Variants in WDFY4 observed in about 807,000 individuals in gnomAD.
WDFY4 encodes WD repeat- and FYVE domain-containing protein 4.
In WDFY4, 169 loss-of-function variants were observed where a neutral mutation model predicts 351.9. The ratio of observed to expected loss-of-function variants is 0.48; its 90% CI spans 0.42 to 0.55. The LOEUF (loss-of-function observed/expected upper bound fraction) is 0.55. Ranked by LOEUF, WDFY4 falls within the 20% of genes least tolerant of loss-of-function variation. The probability of loss-of-function intolerance (pLI) is 0.00; values close to 1 mark genes in which losing one functional copy is unlikely to be tolerated. For missense variants in WDFY4, 3,803 were observed against 3,935.6 expected (o/e 0.97, Z 0.90); for synonymous variants, 1,622 against 1,574.6 (o/e 1.03, Z -0.71).
chr10:48,735,282 C>T (rs1019627561), intron 10 of WDFY4, among the ~76,000 whole-genome samples: 4 of 152,240 alleles, frequency 2.6e-5, no homozygotes, highest in African/African-American at 9.6e-5. Flanking sequence ...TACTTTTAAA[C>T]AAAAATATAT....
intron 47 of WDFY4, chr10:48,913,798 G>A (rs1182410774): frequency 1.2e-6 from 2 of 1,614,092 alleles, no homozygotes; most frequent in Non-Finnish European, 1.7e-6. Flanking sequence ...ATGTTCTTGA[G>A]TTGCTTCAGC....
intron 44 of WDFY4, among the ~76,000 whole-genome samples, chr10:48,896,124 G>A (rs1156728033): frequency 6.6e-6 from 1 of 152,214 alleles, no homozygotes; most frequent in Non-Finnish European, 1.5e-5. Flanking sequence ...TCAGAATTCA[G>A]TACACCTCTT....
chr10:48,914,807 G>T (rs988918379), intron 47 of WDFY4, among the ~76,000 whole-genome samples: 3 of 152,172 alleles, frequency 2.0e-5, no homozygotes, highest in Admixed American at 6.5e-5. Context: ...TCAGCCCAGG[G>T]ATATCAGGGT....
At chr10:48,898,847 T>G (rs2663040) in intron 45 of WDFY4, among the ~76,000 whole-genome samples, 137,674 of 152,048 alleles carry the variant, frequency 0.91, 62,606 homozygotes, top group East Asian at 1. Context: ...GTGCTGCTGG[T>G]TCTGGGCCAA....
intron 13 of WDFY4, among the ~76,000 whole-genome samples, chr10:48,762,234 G>A (rs1241645771): frequency 5.9e-5 from 9 of 152,310 alleles, no homozygotes; most frequent in Middle Eastern, 3.4e-3. Flanking sequence ...GTGGAGTGGC[G>A]GAGCAGAAGC....
intron 13 of WDFY4, among the ~76,000 whole-genome samples, chr10:48,768,843 A>T (rs371260251): frequency 6.6e-6 from 1 of 152,252 alleles, no homozygotes; most frequent in Middle Eastern, 3.4e-3. Context: ...ATGAAGGGAC[A>T]CGTGACTTGC....
intron 1 of WDFY4, among the ~76,000 whole-genome samples, chr10:48,707,021 T>C (rs1267247022): frequency 1.3e-5 from 2 of 152,162 alleles, no homozygotes; most frequent in African/African-American, 4.8e-5. Flanking sequence ...AAGATATCTG[T>C]AATTTTCAAA....
intron 13 of WDFY4, among the ~76,000 whole-genome samples, chr10:48,761,783 C>A: frequency 6.6e-6 from 1 of 152,232 alleles, no homozygotes; most frequent in East Asian, 1.9e-4. Context: ...GGTTTATCAG[C>A]AGCCAAGGAA....
chr10:48,843,976 C>A (rs1200894178), intron 39 of WDFY4, among the ~76,000 whole-genome samples: 1 of 152,176 alleles, frequency 6.6e-6, no homozygotes, highest in African/African-American at 2.4e-5. Flanking sequence ...GGCAGATGGC[C>A]GTGGAGGGGA....
Position 48,896,599 on chromosome 10 carries a change from A to G in WDFY4, c.7317-855A>G, listed in dbSNP as rs570231262. ...CTCTCAGGATGCAGGCGCTGTGCAG[A>G]TGAGCTCTAGGTGCTGTCCTCATGC... On this transcript the variant is annotated intron_variant, in intron 44 of 61. Coordinates refer to ENST00000325239, the MANE Select transcript of WDFY4 (RefSeq NM_001394531.1). Among the ~76,000 whole-genome samples the G allele has an allele frequency of 9.9e-5, 15 of 151,980 alleles. No homozygotes were observed. The South Asian group carries it at 1.7e-3, about 17-fold the overall frequency.
chr10:48,734,180 T>C (rs772288054), intron 10 of WDFY4, 145 bp downstream of exon 10: 2 of 682,666 alleles, frequency 2.9e-6, no homozygotes, highest in Non-Finnish European at 5.0e-6. Flanking sequence ...TCTTGGCCGA[T>C]GTTCAGTGAT....
chr10:48,783,892 T>C (rs1320784898), intron 19 of WDFY4, among the ~76,000 whole-genome samples: 2 of 152,216 alleles, frequency 1.3e-5, no homozygotes, highest in Non-Finnish European at 2.9e-5. Context: ...AGTAAAAATA[T>C]GATATTATTA....
intron 47 of WDFY4, among the ~76,000 whole-genome samples, chr10:48,937,404 G>T (rs1175920738): frequency 6.6e-6 from 1 of 152,214 alleles, no homozygotes; most frequent in Non-Finnish European, 1.5e-5. Flanking sequence ...CCTGGAGCAA[G>T]ATCTGGTCCT....
intron 39 of WDFY4, among the ~76,000 whole-genome samples, chr10:48,861,548 G>GA (rs151129065): frequency 3.4e-4 from 52 of 152,178 alleles, no homozygotes; most frequent in Admixed American, 1.1e-3. Flanking sequence ...GGCTTCTGAT[G>GA]AAAAAAATCA....
At chr10:48,968,123 G>A (rs900151946) in intron 55 of WDFY4, 1 of 152,284 alleles carries the variant, frequency 6.6e-6, no homozygotes, top group South Asian at 2.1e-4. Flanking sequence ...GGGTCCTGGG[G>A]ATCCTTCCTG....
intron 30 of WDFY4, among the ~76,000 whole-genome samples, chr10:48,812,594 C>T (rs1252006574): frequency 1.3e-5 from 2 of 152,182 alleles, no homozygotes; most frequent in African/African-American, 4.8e-5. Context: ...GAGGCTGCCC[C>T]TTGATAACAC....
At chr10:48,783,478 A>G (rs1019401063) in intron 19 of WDFY4, among the ~76,000 whole-genome samples, 68 of 136,598 alleles carry the variant, frequency 5.0e-4, no homozygotes, top group African/African-American at 1.6e-3. Context: ...GTACAATTGT[A>G]TATATCTTAT....
intron 37 of WDFY4, among the ~76,000 whole-genome samples, chr10:48,830,133 C>T (rs1035033359): frequency 3.3e-5 from 5 of 152,102 alleles, no homozygotes; most frequent in Non-Finnish European, 7.4e-5. Context: ...GCACAGCAGA[C>T]ACAGTTGGTT....
chr10:48,836,734 C>A (rs2068408921), intron 39 of WDFY4, among the ~76,000 whole-genome samples: 1 of 152,196 alleles, frequency 6.6e-6, no homozygotes. Flanking sequence ...TGTGACATCA[C>A]CCACTATCTC....
Sources: gnomAD v4.1 joint callset for allele counts (sites outside exome capture counted in the v4.1 genomes callset) on GRCh38, gnomAD v4.1.1 for gene constraint, MANE v1.5 for transcripts, NCBI Gene and HGNC (gene_info 2026-07-23, HGNC 2026-07-21) for gene names.